Variants in NISCH observed in about 807,000 individuals in gnomAD.
NISCH encodes the protein I-1 receptor candidate protein.
Under a neutral mutation model 138.4 loss-of-function variants are expected in NISCH, and 55 were observed. The observed-to-expected ratio is 0.40, with a 90% CI of 0.32 to 0.50. The LOEUF (loss-of-function observed/expected upper bound fraction) is 0.50, where lower values mean the gene tolerates loss of function less well. Ranked by LOEUF, NISCH falls within the 20% of genes least tolerant of loss-of-function variation. The probability of loss-of-function intolerance (pLI) is 0.71; values close to 1 mark genes in which losing one functional copy is unlikely to be tolerated. For synonymous variants in NISCH, 860 were observed against 861.5 expected (o/e 1.00, Z 0.03); for missense variants, 1,643 against 2,005.5 (o/e 0.82, Z 3.45).
At chr3:52,467,002 T>TC (rs1553654083) in intron 3 of NISCH, among the ~76,000 whole-genome samples, 34 of 144,802 alleles carry the variant, frequency 2.3e-4, no homozygotes, top group Middle Eastern at 6.9e-3. Flanking sequence ...TCTTTTTCTT[T>TC]TTTTTTTTTT....
Position 52,492,631 on chromosome 3 carries a change from GTTAA to G in NISCH, c.*152_*155del, listed in dbSNP as rs1473370800. 7 of 1,100,742 alleles carry G rather than the reference GTTAA, an allele frequency of 6.4e-6. No individual in the cohort carries two copies. In the East Asian group the frequency reaches 1.8e-4, roughly 29 times the overall value. The allele number at this position is 1,100,742 out of a possible 1,614,324, so 68.2% of individuals were successfully genotyped here. On this transcript the variant is annotated 3_prime_UTR_variant, in exon 21 of 21. Coordinates refer to ENST00000345716, the MANE Select transcript of NISCH (RefSeq NM_007184.4). ...GAATGTGAACATGTGTGTGTGTTGT[GTTAA>G]TTCTTTCTCATGTTGGGAGTGAGAA...
intron 13 of NISCH, chr3:52,480,659 A>G: frequency 1.4e-6 from 2 of 1,423,270 alleles, no homozygotes; most frequent in Non-Finnish European, 1.8e-6. Flanking sequence ...TGGTTACAGG[A>G]AGCCGGGCTT....
In NISCH at chr3:52,477,563, T is replaced by A; in HGVS notation, c.919-11T>A. On this transcript the variant is annotated splice_polypyrimidine_tract_variant and intron_variant, in intron 8 of 20. Coordinates refer to ENST00000345716, the MANE Select transcript of NISCH (RefSeq NM_007184.4). ...CCTACAGTAACATCGGGTGTTCTTTTCTTTCACAAGAAACTGATCCCAAAG... is the reference window on the plus strand; with the variant it reads ...CCTACAGTAACATCGGGTGTTCTTTACTTTCACAAGAAACTGATCCCAAAG... The A allele has an allele frequency of 6.2e-7, 1 of 1,613,290 alleles. No individual in the cohort carries two copies. Among genetic ancestry groups the A allele is most frequent in the Non-Finnish European group, 8.5e-7 (1 of 1,179,204 alleles).
Position 52,490,079 on chromosome 3 carries a change from A to G in NISCH, c.3461A>G (p.Glu1154Gly), listed in dbSNP as rs754327687. Reference sequence around the variant, plus strand: ...CAGGAGGCCCCCCGTCTTCAGGTTGAAAACGAGGAGCTGAGGCACCTCATG... The same window carrying G: ...CAGGAGGCCCCCCGTCTTCAGGTTGGAAACGAGGAGCTGAGGCACCTCATG... The part of the protein sequence containing the change: ...ELFHSSIAEV[E>G]NEELRHLMWS... Residue 1154 changes from glutamate (E) to glycine (G), a missense_variant, in exon 18 of 21, where the codon GAA becomes GGA. By Grantham distance (98) the Glu-to-Gly change is moderately conservative. Coordinates refer to ENST00000345716, the MANE Select transcript of NISCH (RefSeq NM_007184.4). 3.1e-6 allele frequency: 5 copies of G among 1,613,288 alleles called. No homozygotes were observed. In the African/African-American group the frequency reaches 6.7e-5, roughly 22 times the overall value.
intron 13 of NISCH, chr3:52,481,699 G>A: frequency 4.1e-6 from 4 of 985,540 alleles, no homozygotes; most frequent in Non-Finnish European, 4.8e-6. Context: ...GGCCCTGGAT[G>A]GGTGGGGATG....
At chr3:52,481,387 G>A (rs888907105) in intron 13 of NISCH, 2 of 987,852 alleles carry the variant, frequency 2.0e-6, no homozygotes, top group Admixed American at 1.2e-4. Flanking sequence ...TGAGCGTGGA[G>A]CGATGGGGTT....
chr3:52,488,332 C>A lies in NISCH; in HGVS notation c.2840C>A (p.Pro947Gln), dbSNP rs182689590. The A allele has an allele frequency of 6.2e-7, 1 of 1,612,872 alleles. No homozygotes were observed. Among genetic ancestry groups the A allele is most frequent in the East Asian group, 2.2e-5 (1 of 44,888 alleles). The change falls in exon 16 of 21, where the codon CCG (proline) becomes CAG (glutamine). Residue 947 changes from proline (P) to glutamine (Q), a missense_variant. Pro to Gln is a moderately conservative substitution (Grantham distance 76). Transcript: ENST00000345716. ...NRNSFKLSRV[P>Q]LSTVLLDPTR... is the part of the protein sequence containing the mutation. Reference sequence around the variant, plus strand: ...AACAGCTTCAAGCTCAGCCGTGTGCCGCTCTCCACCGTGCTGCTGGACCCC... The same window carrying A: ...AACAGCTTCAAGCTCAGCCGTGTGCAGCTCTCCACCGTGCTGCTGGACCCC...
chr3:52,473,703 G>C (rs13094915), intron 6 of NISCH, 31 bp from the exon 7 acceptor site: 588,784 of 1,490,760 alleles, frequency 0.39, 119,502 homozygotes, highest in Admixed American at 0.53. Context: ...CAAGGATTCT[G>C]TTTCTGAGAT....
chr3:52,459,347 G>T (rs889996539), intron 3 of NISCH, among the ~76,000 whole-genome samples: 2 of 152,202 alleles, frequency 1.3e-5, no homozygotes, highest in Non-Finnish European at 2.9e-5. Flanking sequence ...TCTGTACTCC[G>T]TCCTTGAAAG....
chr3:52,475,829 G>C (rs1467439278), intron 7 of NISCH: 1 of 153,260 alleles, frequency 6.5e-6, no homozygotes, highest in Non-Finnish European at 1.5e-5. Flanking sequence ...GGGTGACAGA[G>C]TGAGACTGTG....
chr3:52,463,714 C>CTTTTTTTTTTTTTTTTTTTTTTTT (rs71084184), intron 3 of NISCH, among the ~76,000 whole-genome samples: 2 of 41,402 alleles, frequency 4.8e-5, no homozygotes, highest in African/African-American at 1.2e-4. Context: ...TATTGAACCT[C>CTTTTTTTTTTTTTTTTTTTTTTTT]TTTTTTTTTT....
At chr3:52,471,791 C>A in intron 4 of NISCH, 23 bp from the exon 5 acceptor site, 1 of 1,613,710 alleles carries the variant, frequency 6.2e-7, no homozygotes, top group Non-Finnish European at 8.5e-7. Flanking sequence ...GGACACTTAT[C>A]CTTCAGGGCA....
At chr3:52,486,030 C>T (rs1707393743) in intron 15 of NISCH, among the ~76,000 whole-genome samples, 1 of 152,226 alleles carries the variant, frequency 6.6e-6, no homozygotes, top group Non-Finnish European at 1.5e-5. Context: ...CTCTGCTCAG[C>T]ACATGTTGCC....
At chr3:52,456,142 A>G (rs1368407448) in intron 1 of NISCH, among the ~76,000 whole-genome samples, 2 of 152,130 alleles carry the variant, frequency 1.3e-5, no homozygotes, top group Non-Finnish European at 2.9e-5. Flanking sequence ...TGATGGATGG[A>G]ATCAGGGAAA....
At chr3:52,483,771 G>A (rs1387088036) in intron 13 of NISCH, among the ~76,000 whole-genome samples, 1 of 152,242 alleles carries the variant, frequency 6.6e-6, no homozygotes, top group Non-Finnish European at 1.5e-5. Context: ...CAAATCAGGG[G>A]ACGGGGTCAT....
At chr3:52,481,729 A>G in intron 13 of NISCH, 1 of 985,580 alleles carries the variant, frequency 1.0e-6, no homozygotes. Flanking sequence ...CCCAGGCTGC[A>G]GCTGCAGGCA....
chr3:52,490,193 A>G lies in NISCH; in HGVS notation c.3575A>G (p.His1192Arg). 1 of 1,613,248 alleles carries G rather than the reference A, an allele frequency of 6.2e-7. No homozygotes were observed. The highest frequency in any genetic ancestry group is 8.5e-7 in the Non-Finnish European group (1 of 1,180,004). Residue 1192 changes from histidine to arginine, a missense_variant, in exon 18 of 21, where the codon CAC (histidine) becomes CGC (arginine). Transcript: ENST00000345716. ...LSTKAVYFVL[H>R]DGLRRYFSEP... ...ACCAAGGCTGTGTACTTTGTGCTCC[A>G]CGACGGCCTCCGCCGCTACTTCTCA...
intron 13 of NISCH, 51 bp from the exon 14 acceptor site, chr3:52,484,462 T>TTCCCCCCCCCCCC: frequency 1.3e-6 from 1 of 788,670 alleles, no homozygotes; most frequent in Non-Finnish European, 1.8e-6. Context: ...ACAGCCGCTC[T>TTCCCCCCCCCCCC]CCCCGCCCCA....
At chr3:52,466,649 A>C (rs534965664) in intron 3 of NISCH, among the ~76,000 whole-genome samples, 1 of 151,908 alleles carries the variant, frequency 6.6e-6, no homozygotes, top group Non-Finnish European at 1.5e-5. Flanking sequence ...CCTCAGTGAC[A>C]TGTAATTCAC....
Sources: allele counts gnomAD v4.1 joint callset (sites outside exome capture counted in the v4.1 genomes callset), GRCh38; gene constraint gnomAD v4.1.1; transcripts MANE v1.5; gene names NCBI Gene and HGNC (gene_info 2026-07-23, HGNC 2026-07-21).